The following ANKS6 variants were observed in gnomAD, a reference collection of about 807,000 sequenced individuals.
The protein encoded by ANKS6 is ankyrin repeat and SAM domain-containing protein 6.
In ANKS6, 47 loss-of-function variants were observed where a neutral mutation model predicts 77.9. The observed-to-expected ratio is 0.60, with a 90% CI of 0.48 to 0.77. ANKS6 has a LOEUF of 0.77. Ranked by LOEUF, ANKS6 falls within the 30% of genes least tolerant of loss-of-function variation. The probability of loss-of-function intolerance (pLI) is 0.00; values close to 1 mark genes in which losing one functional copy is unlikely to be tolerated. For missense variants in ANKS6, 1,150 were observed against 1,159.1 expected, an observed-to-expected ratio of 0.99 and a Z score of 0.11; for synonymous variants, 488 against 501.7, an observed-to-expected ratio of 0.97 and a Z score of 0.37.
intron 13 of ANKS6, among the ~76,000 whole-genome samples, chr9:98,748,328 C>T (rs781474339): frequency 6.6e-6 from 1 of 152,330 alleles, no homozygotes; most frequent in South Asian, 2.1e-4. Context: ...TCCTCTCCTA[C>T]GACTACTTGT....
At chr9:98,779,786 C>A (rs1288442275) in intron 6 of ANKS6, among the ~76,000 whole-genome samples, 1 of 152,090 alleles carries the variant, frequency 6.6e-6, no homozygotes, top group Non-Finnish European at 1.5e-5. Context: ...GCCTCAGCCT[C>A]CCGTGTAGCT....
At chr9:98,747,535 C>T (rs1290653982) in intron 13 of ANKS6, among the ~76,000 whole-genome samples, 1 of 152,056 alleles carries the variant, frequency 6.6e-6, no homozygotes, top group Non-Finnish European at 1.5e-5. Context: ...TAAAAGCTCA[C>T]GGAGTGCTGA....
chr9:98,734,607 C>T lies in ANKS6; in HGVS notation c.*1912G>A. The T allele has an allele frequency of 1.0e-6, 1 of 982,676 alleles. No homozygotes were observed. The highest frequency in any genetic ancestry group is 1.2e-6 in the Non-Finnish European group (1 of 827,468). 60.9% of individuals were successfully genotyped at this position (982,676 alleles called of 1,614,324 possible). A position where few individuals can be genotyped will look rare whatever the true frequency, so the allele number is the denominator to read the frequency against. ...TGGAAAAGGCACAGGCTTGCAAGCCCACCAGGTCCGGTTCTGACCCCAGAT... is the reference window on the plus strand; with the variant it reads ...TGGAAAAGGCACAGGCTTGCAAGCCTACCAGGTCCGGTTCTGACCCCAGAT... On this transcript the variant is annotated 3_prime_UTR_variant, in exon 15 of 15. Transcript: ENST00000353234.
intron 11 of ANKS6, among the ~76,000 whole-genome samples, chr9:98,757,954 A>C (rs190362732): frequency 1.8e-4 from 28 of 152,038 alleles, no homozygotes; most frequent in African/African-American, 6.7e-4. Context: ...TAAATAAATA[A>C]ATATACAAAA....
At position 98,789,193 on chromosome 9, in the gene ANKS6, T is replaced by G. The variant is rs78570866; in HGVS notation, c.862+911A>C. Reference sequence around the variant, plus strand: ...TGCCTGAAGCTACTTTCTTCAGTGCTTGACCTCTCAGAGCTAGATGTTTAT... The same window carrying G: ...TGCCTGAAGCTACTTTCTTCAGTGCGTGACCTCTCAGAGCTAGATGTTTAT... On this transcript the variant is annotated intron_variant, in intron 2 of 14. Coordinates refer to ENST00000353234, the MANE Select transcript of ANKS6 (RefSeq NM_173551.5). Among the ~76,000 whole-genome samples, 348 of 152,276 alleles carry G rather than the reference T, an allele frequency of 2.3e-3. 2 individuals carry two copies. The highest frequency in any genetic ancestry group is 7.8e-3 in the African/African-American group (326 of 41,560).
chr9:98,734,918 A>C lies in ANKS6; in HGVS notation c.*1601T>G. On this transcript the variant is annotated 3_prime_UTR_variant, in exon 15 of 15. Transcript: ENST00000353234. ...CTTCTGTGAGTGTAAGGCTGAGAGA[A>C]TTTAAAGGAAAAACACCCAACCATC... is the stretch of plus-strand genomic sequence containing the variant. The C allele has an allele frequency of 1.9e-5, 19 of 985,478 alleles. No individual in the cohort carries two copies. Among genetic ancestry groups the C allele is most frequent in the Non-Finnish European group, 2.3e-5 (19 of 829,948 alleles). 61.0% of individuals were successfully genotyped at this position (985,478 alleles called of 1,614,324 possible). A position where few individuals can be genotyped will look rare whatever the true frequency, so the allele number is the denominator to read the frequency against.
At chr9:98,736,655 G>A in intron 14 of ANKS6, 32 bp from the exon 15 acceptor site, 1 of 1,568,136 alleles carries the variant, frequency 6.4e-7, no homozygotes, top group African/African-American at 1.4e-5. Flanking sequence ...GACACAGAAA[G>A]TCTTATTAAA....
intron 14 of ANKS6, among the ~76,000 whole-genome samples, chr9:98,738,409 T>A (rs1244852836): frequency 6.6e-6 from 1 of 151,576 alleles, no homozygotes; most frequent in Non-Finnish European, 1.5e-5. Flanking sequence ...AACAATCCCA[T>A]CAAAAAGTGG....
chr9:98,765,802 G>A (rs1473429713), intron 11 of ANKS6, among the ~76,000 whole-genome samples: 2 of 152,090 alleles, frequency 1.3e-5, no homozygotes, highest in African/African-American at 4.8e-5. Context: ...CATGCCTTGT[G>A]GATATTCCAC....
At chr9:98,787,356 ACCT>A (rs1272572577) in intron 2 of ANKS6, among the ~76,000 whole-genome samples, 2 of 140,830 alleles carry the variant, frequency 1.4e-5, no homozygotes, top group African/African-American at 5.2e-5. Flanking sequence ...GCCACACCCA[ACCT>A]CTTTACACTG....
intron 11 of ANKS6, among the ~76,000 whole-genome samples, chr9:98,762,031 CATTT>C (rs1351323522): frequency 1.3e-5 from 2 of 152,134 alleles, no homozygotes; most frequent in African/African-American, 2.4e-5. Context: ...TCCATCTCTT[CATTT>C]ATTTAAGCTT....
intron 2 of ANKS6, among the ~76,000 whole-genome samples, chr9:98,788,173 A>T (rs1328036882): frequency 6.6e-6 from 1 of 152,220 alleles, no homozygotes; most frequent in Non-Finnish European, 1.5e-5. Context: ...ATGCCAGGAC[A>T]ACCCCTAAAA....
chr9:98,757,165 A>G lies in ANKS6; in HGVS notation c.2143-562T>C, dbSNP rs75417166. On this transcript the variant is annotated intron_variant, in intron 11 of 14. Coordinates refer to ENST00000353234, the MANE Select transcript of ANKS6 (RefSeq NM_173551.5). ...CACATACCCCTCACACAGCTTCCTGATATTAATATCTACATCGTCACAGTA... is the reference window on the plus strand; with the variant it reads ...CACATACCCCTCACACAGCTTCCTGGTATTAATATCTACATCGTCACAGTA... Among the ~76,000 whole-genome samples, 1,256 of 152,344 alleles carry G rather than the reference A, an allele frequency of 8.2e-3. 10 individuals are homozygous for G. The highest frequency in any genetic ancestry group is 0.031 in the South Asian group (151 of 4,830).
At chr9:98,756,271 T>A (rs747106867) in intron 12 of ANKS6, 149 bp downstream of exon 12, 14 of 847,526 alleles carry the variant, frequency 1.7e-5, no homozygotes, top group Middle Eastern at 3.7e-4. Flanking sequence ...CAAGGTACAA[T>A]CAGAGAAGAG....
intron 2 of ANKS6, 41 bp downstream of exon 2, chr9:98,790,063 T>A (rs767290562): frequency 2.0e-6 from 3 of 1,522,172 alleles, no homozygotes; most frequent in Non-Finnish European, 2.7e-6. Flanking sequence ...TAAACACAAT[T>A]TGGGGTCCTC....
rs115807585 is a variant in ANKS6, at chr9:98,773,931, C to T, written c.1767G>A (p.Ala589=). The change falls in exon 9 of 15, where the codon GCG becomes GCA. Residue 589 remains alanine, a synonymous_variant. Coordinates refer to ENST00000353234, the MANE Select transcript of ANKS6 (RefSeq NM_173551.5). ...GGCCCCTGCTGGCTCTCTGGGGCAG[C>T]GCAGTCTTCATGGGGTCTGCCTTCC... The part of the protein sequence containing the change: ...HNGKADPMKT[A]LPQRASRGHP... 1.8e-3 allele frequency: 2,871 copies of T among 1,599,078 alleles called. 45 individuals carry two copies. In the African/African-American group the frequency reaches 0.033, roughly 18 times the overall value.
chr9:98,775,049 C>T (rs1833853134), intron 8 of ANKS6, among the ~76,000 whole-genome samples: 1 of 152,216 alleles, frequency 6.6e-6, no homozygotes, highest in Non-Finnish European at 1.5e-5. Flanking sequence ...CCCAGGCTGG[C>T]TCTGTCCTGC....
At chr9:98,778,922 G>A (rs890811366) in intron 6 of ANKS6, among the ~76,000 whole-genome samples, 1 of 152,232 alleles carries the variant, frequency 6.6e-6, no homozygotes, top group Non-Finnish European at 1.5e-5. Context: ...CACCTAGAGA[G>A]GACAGGCACT....
chr9:98,756,629 A>G (rs1289001652), intron 11 of ANKS6, 26 bp from the exon 12 acceptor site: 1 of 1,473,062 alleles, frequency 6.8e-7, no homozygotes, highest in Admixed American at 2.5e-5. Flanking sequence ...AGACAAATAC[A>G]TAAGCCATCA....
Sources: gnomAD v4.1 joint callset for allele counts (sites outside exome capture counted in the v4.1 genomes callset) on GRCh38, gnomAD v4.1.1 for gene constraint, MANE v1.5 for transcripts, NCBI Gene and HGNC (gene_info 2026-07-23, HGNC 2026-07-21) for gene names.